The following TPST1 variants were observed in gnomAD, a reference collection of about 807,000 sequenced individuals.
TPST1 encodes the protein protein-tyrosine sulfotransferase 1.
A neutral mutation model predicts 34.8 loss-of-function variants in TPST1; 20 were observed. That is an observed-to-expected ratio of 0.57 (90% CI 0.40 to 0.84). TPST1 has a LOEUF of 0.84. Ranked by LOEUF, TPST1 falls within the 40% of genes least tolerant of loss-of-function variation. TPST1 has a pLI of 0.00. For synonymous variants in TPST1, 152 were observed against 159.4 expected (o/e 0.95, Z 0.35); for missense variants, 353 against 455.5 (o/e 0.78, Z 2.05).
intron 1 of TPST1, among the ~76,000 whole-genome samples, chr7:66,211,793 T>C (rs889444729): frequency 6.6e-6 from 1 of 152,134 alleles, no homozygotes; most frequent in Non-Finnish European, 1.5e-5. Context: ...TGGTGAAACC[T>C]GGTCTCTACT....
At chr7:66,253,497 G>A (rs1047993878) in intron 2 of TPST1, among the ~76,000 whole-genome samples, 8 of 150,226 alleles carry the variant, frequency 5.3e-5, no homozygotes, top group South Asian at 2.1e-4. Context: ...CAATTCTCCC[G>A]AGTAGCTGGG....
intron 3 of TPST1, among the ~76,000 whole-genome samples, chr7:66,343,817 A>G (rs1159165202): frequency 6.6e-6 from 1 of 152,242 alleles, no homozygotes; most frequent in Non-Finnish European, 1.5e-5. Flanking sequence ...TTTTGGAATA[A>G]TCAGACTGGA....
chr7:66,204,039 T>G (rs1395330701), upstream of TPST1, among the ~76,000 whole-genome samples: 1 of 151,788 alleles, frequency 6.6e-6, no homozygotes, highest in Non-Finnish European at 1.5e-5. Context: ...TAGCCAGGCA[T>G]GGTGGCACAT....
intron 3 of TPST1, among the ~76,000 whole-genome samples, chr7:66,351,622 G>A (rs1490167171): frequency 1.4e-5 from 2 of 147,818 alleles, no homozygotes; most frequent in African/African-American, 5.0e-5. Context: ...TTGGCCCTGT[G>A]TATTTCCATA....
chr7:66,205,352 T>G lies in TPST1; in HGVS notation c.-272T>G, dbSNP rs1789101973. ...CCGCGGGAGACGCTGCTGAGGCGGCTTCGGTTGCGGGTCGGAACGGCGCTG... is the reference window on the plus strand; with the variant it reads ...CCGCGGGAGACGCTGCTGAGGCGGCGTCGGTTGCGGGTCGGAACGGCGCTG... On this transcript the variant is annotated 5_prime_UTR_variant, in exon 1 of 6. Transcript: ENST00000304842. This position sits in a 1 kb window ranked among gnomAD's most constrained non-coding sequence, Gnocchi z 5.0. 1 of 152,236 alleles carries G rather than the reference T, an allele frequency of 6.6e-6. No individual in the cohort carries two copies. Among genetic ancestry groups the G allele is most frequent in the Non-Finnish European group, 1.5e-5 (1 of 68,080 alleles). The allele number at this position is 152,236 out of a possible 1,614,324, so 9.4% of individuals were successfully genotyped here. A position where few individuals can be genotyped will look rare whatever the true frequency, so the allele number is the denominator to read the frequency against.
At chr7:66,219,465 C>T (rs73142223) in intron 1 of TPST1, among the ~76,000 whole-genome samples, 59 of 152,262 alleles carry the variant, frequency 3.9e-4, no homozygotes, top group Non-Finnish European at 6.9e-4. Flanking sequence ...CTTAATCTCT[C>T]CCAGATGAAA....
chr7:66,345,167 A>G (rs1015572829), intron 3 of TPST1, among the ~76,000 whole-genome samples: 4 of 152,062 alleles, frequency 2.6e-5, no homozygotes, highest in Non-Finnish European at 2.9e-5. Flanking sequence ...ATGCCAAACC[A>G]CAAATCCAGT....
intron 2 of TPST1, among the ~76,000 whole-genome samples, chr7:66,264,054 T>C (rs1283035758): frequency 2.0e-5 from 3 of 152,224 alleles, no homozygotes; most frequent in African/African-American, 4.8e-5. Context: ...ACAGACCTCA[T>C]TGTAAGTATT....
intron 2 of TPST1, among the ~76,000 whole-genome samples, chr7:66,253,492 C>CCCA (rs1240908163): frequency 6.6e-6 from 1 of 150,706 alleles, no homozygotes; most frequent in African/African-American, 2.4e-5. Flanking sequence ...TGCCTCAATT[C>CCCA]TCCCGAGTAG....
At chr7:66,266,605 A>G (rs1473870155) in intron 2 of TPST1, among the ~76,000 whole-genome samples, 1 of 152,280 alleles carries the variant, frequency 6.6e-6, no homozygotes, top group Non-Finnish European at 1.5e-5. Flanking sequence ...ATTCATAGTA[A>G]TAGCTGAAAG....
chr7:66,302,101 AT>A (rs970456072), intron 3 of TPST1, among the ~76,000 whole-genome samples: 11 of 152,154 alleles, frequency 7.2e-5, no homozygotes, highest in African/African-American at 2.4e-4. Flanking sequence ...TTTTTGTTTT[AT>A]TTTTGTTAAA....
At chr7:66,242,242 A>G (rs1291768385) in intron 2 of TPST1, among the ~76,000 whole-genome samples, 1 of 152,074 alleles carries the variant, frequency 6.6e-6, no homozygotes, top group Non-Finnish European at 1.5e-5. Flanking sequence ...AAAGTAATAT[A>G]TAACACCTGT....
chr7:66,261,628 T>C (rs4145009), intron 2 of TPST1, among the ~76,000 whole-genome samples: 97,645 of 151,370 alleles, frequency 0.65, 31,816 homozygotes, highest in African/African-American at 0.74. Context: ...TTCTGTTTAT[T>C]CTTTTCATAT....
At chr7:66,228,075 T>C (rs1013085066) in intron 1 of TPST1, among the ~76,000 whole-genome samples, 7 of 152,204 alleles carry the variant, frequency 4.6e-5, no homozygotes, top group Admixed American at 4.6e-4. Flanking sequence ...TTTCCAGGTT[T>C]AGTTTTTGTA....
chr7:66,320,724 G>C (rs576160089), intron 3 of TPST1, among the ~76,000 whole-genome samples: 1 of 151,508 alleles, frequency 6.6e-6, no homozygotes, highest in African/African-American at 2.4e-5. Context: ...TCAGCCTCCC[G>C]AGTAGCTGGT....
intron 3 of TPST1, among the ~76,000 whole-genome samples, chr7:66,337,322 T>C (rs1033180914): frequency 6.7e-6 from 1 of 149,264 alleles, no homozygotes; most frequent in African/African-American, 2.5e-5. Flanking sequence ...TTTTTTTTTT[T>C]TTTAAGACAG....
At chr7:66,242,641 G>C (rs1228669238) in intron 2 of TPST1, among the ~76,000 whole-genome samples, 1 of 152,084 alleles carries the variant, frequency 6.6e-6, no homozygotes, top group Non-Finnish European at 1.5e-5. Flanking sequence ...TTAATCACCT[G>C]TATTAGGTAT....
intron 1 of TPST1, among the ~76,000 whole-genome samples, chr7:66,215,055 TTATATA>T (rs576898295): frequency 6.8e-6 from 1 of 147,174 alleles, no homozygotes; most frequent in Non-Finnish European, 1.5e-5. Flanking sequence ...TTAAATATAT[TTATATA>T]TATATGTTTT....
At chr7:66,251,766 A>G (rs144883539) in intron 2 of TPST1, among the ~76,000 whole-genome samples, 1,482 of 147,180 alleles carry the variant, frequency 0.01, 11 homozygotes, top group Non-Finnish European at 0.017. Flanking sequence ...AAATGGGATC[A>G]TGGTCTGTGT....
Sources: gnomAD v4.1 joint callset for allele counts (sites outside exome capture counted in the v4.1 genomes callset) on GRCh38, gnomAD v4.1.1 for gene constraint, Gnocchi (gnomAD v3.1) non-coding constraint, MANE v1.5 for transcripts, NCBI Gene and HGNC (gene_info 2026-07-23, HGNC 2026-07-21) for gene names.